The following GATAD2B variants were observed in gnomAD, a reference collection of about 807,000 sequenced individuals.
GATAD2B encodes the protein transcriptional repressor p66-beta.
Under a neutral mutation model 64.3 loss-of-function variants are expected in GATAD2B, and 8 were observed. The ratio of observed to expected loss-of-function variants is 0.12; its 90% CI spans 0.07 to 0.22. The LOEUF (loss-of-function observed/expected upper bound fraction) is 0.22, where lower values mean the gene tolerates loss of function less well. Among genes scored for constraint, GATAD2B ranks in the 10% least tolerant of loss-of-function variants. GATAD2B has a pLI of 1.00. For missense variants in GATAD2B, 453 were observed against 752.0 expected (o/e 0.60, Z 4.65); for synonymous variants, 281 against 271.3 (o/e 1.04, Z -0.35).
intron 1 of GATAD2B, among the ~76,000 whole-genome samples, chr1:153,909,757 G>GT (rs1258926707): frequency 6.7e-6 from 1 of 148,282 alleles, no homozygotes; most frequent in East Asian, 2.1e-4. Flanking sequence ...GGCCAACATG[G>GT]TGAAACCCCA....
chr1:153,903,705 C>T (rs1316659385), intron 1 of GATAD2B, among the ~76,000 whole-genome samples: 1 of 152,196 alleles, frequency 6.6e-6, no homozygotes, highest in Non-Finnish European at 1.5e-5. Context: ...CTAACATTGG[C>T]CAAGTGTGGG....
intron 4 of GATAD2B, 125 bp downstream of exon 4, chr1:153,818,666 A>T: frequency 1.2e-6 from 1 of 836,954 alleles, no homozygotes; most frequent in Non-Finnish European, 1.9e-6. Flanking sequence ...CACTACTACT[A>T]CAGACTAAAA....
In GATAD2B at chr1:153,813,430, C is replaced by T; in HGVS notation, c.1239G>A (p.Leu413=). ...DSQGKSCASL[L]RVEPFVCAQC... is the part of the protein sequence containing the mutation. ...GGGCACATACAAAGGGTTCAACCCG[C>T]AGAAGTGAGGCACAGCTTTTGCCTA... The change falls in exon 8 of 11, where the codon CTG becomes CTA. Residue 413 remains leucine (L), a synonymous_variant. Coordinates refer to ENST00000368655, the MANE Select transcript of GATAD2B (RefSeq NM_020699.4). The T allele has an allele frequency of 1.2e-6, 2 of 1,614,054 alleles. No individual in the cohort carries two copies. The highest frequency in any genetic ancestry group is 1.7e-6 in the Non-Finnish European group (2 of 1,179,932).
At chr1:153,895,291 G>A (rs969356823) in intron 1 of GATAD2B, among the ~76,000 whole-genome samples, 67 of 150,578 alleles carry the variant, frequency 4.4e-4, no homozygotes, top group African/African-American at 1.4e-3. Flanking sequence ...CCAAGATCGC[G>A]CCACTGCACT....
chr1:153,851,945 T>C (rs1361883327), intron 1 of GATAD2B, among the ~76,000 whole-genome samples: 1 of 152,218 alleles, frequency 6.6e-6, no homozygotes, highest in African/African-American at 2.4e-5. Context: ...GCCAGAAACT[T>C]TAAAGCTCTT....
intron 2 of GATAD2B, among the ~76,000 whole-genome samples, chr1:153,820,214 C>T (rs780207565): frequency 2.5e-4 from 38 of 152,044 alleles, no homozygotes; most frequent in Non-Finnish European, 1.6e-4. Context: ...TGTCTACAGC[C>T]TTACAGAAAA....
chr1:153,826,042 C>T (rs933306539), intron 2 of GATAD2B, among the ~76,000 whole-genome samples: 2 of 150,528 alleles, frequency 1.3e-5, no homozygotes, highest in South Asian at 2.1e-4. Flanking sequence ...CTCGCTCTGT[C>T]GCCCAGGCTG....
At chr1:153,831,314 C>T (rs1258434918) in intron 1 of GATAD2B, among the ~76,000 whole-genome samples, 4 of 152,096 alleles carry the variant, frequency 2.6e-5, no homozygotes, top group Non-Finnish European at 4.4e-5. Flanking sequence ...GAAGGGGGAA[C>T]ATCACACACC....
intron 1 of GATAD2B, among the ~76,000 whole-genome samples, chr1:153,901,213 CA>C (rs146258599): frequency 1.6e-3 from 228 of 138,656 alleles, no homozygotes; most frequent in Non-Finnish European, 1.5e-3. Context: ...AATTCTACCT[CA>C]AAAAAAAAAA....
chr1:153,834,356 A>G (rs1297153135), intron 1 of GATAD2B, among the ~76,000 whole-genome samples: 1 of 151,772 alleles, frequency 6.6e-6, no homozygotes, highest in Non-Finnish European at 1.5e-5. Context: ...GAAATTATTT[A>G]CCATTGCAGG....
chr1:153,898,114 T>C (rs781075282), intron 1 of GATAD2B, among the ~76,000 whole-genome samples: 1 of 150,428 alleles, frequency 6.6e-6, no homozygotes, highest in African/African-American at 2.4e-5. Flanking sequence ...GATCAGCCTA[T>C]GCAACACGGT....
intron 1 of GATAD2B, among the ~76,000 whole-genome samples, chr1:153,839,879 C>T (rs565297452): frequency 4.6e-5 from 7 of 151,536 alleles, no homozygotes; most frequent in African/African-American, 1.7e-4. Flanking sequence ...GAGGCTGAGG[C>T]AGGAGAATCA....
chr1:153,838,709 T>C (rs574203620), intron 1 of GATAD2B, among the ~76,000 whole-genome samples: 143 of 152,062 alleles, frequency 9.4e-4, no homozygotes, highest in Non-Finnish European at 1.6e-3. Flanking sequence ...TTGATAGGAG[T>C]TGGTGACTTA....
chr1:153,909,783 CA>C (rs35951173), intron 1 of GATAD2B, among the ~76,000 whole-genome samples: 180 of 133,454 alleles, frequency 1.3e-3, no homozygotes, highest in Admixed American at 1.5e-3. Context: ...ACTAAAAATA[CA>C]AAAAAAAAAA....
chr1:153,859,019 A>C (rs757176130), intron 1 of GATAD2B, among the ~76,000 whole-genome samples: 61 of 152,266 alleles, frequency 4.0e-4, no homozygotes, highest in Middle Eastern at 3.4e-3. Context: ...GATAGCATTT[A>C]GCCTGTGCAA....
intron 1 of GATAD2B, among the ~76,000 whole-genome samples, chr1:153,903,711 G>A (rs1677845934): frequency 1.3e-5 from 2 of 152,136 alleles, no homozygotes; most frequent in Admixed American, 1.3e-4. Flanking sequence ...TTGGCCAAGT[G>A]TGGGGCTCAC....
At chr1:153,904,241 C>T (rs139732435) in intron 1 of GATAD2B, among the ~76,000 whole-genome samples, 78 of 151,874 alleles carry the variant, frequency 5.1e-4, no homozygotes, top group Admixed American at 7.9e-4. Flanking sequence ...GATTACGCCA[C>T]TACACTCCAG....
At chr1:153,915,835 C>G (rs541005337) in intron 1 of GATAD2B, among the ~76,000 whole-genome samples, 2 of 151,196 alleles carry the variant, frequency 1.3e-5, no homozygotes, top group South Asian at 4.2e-4. Flanking sequence ...GGAAGGCAAA[C>G]ACCAACAACA....
chr1:153,816,331 G>A lies in GATAD2B; in HGVS notation c.1158C>T (p.Ser386=), dbSNP rs757674883. The A allele has an allele frequency of 9.3e-6, 15 of 1,613,542 alleles. No homozygotes were observed. Among genetic ancestry groups the A allele is most frequent in the East Asian group, 2.2e-5 (1 of 44,898 alleles). The stretch of plus-strand genomic sequence containing the variant: ...CCAAGCCTACCATGTAGATGAACTC[G>A]CTATTGGCTGCACTAGGCAAGAAAT... ...LLHFLPSAAN[S]EFIYMVGLEE... The change falls in exon 7 of 11, where the codon AGC becomes AGT. Residue 386 remains serine, a synonymous_variant. Transcript: ENST00000368655. This position sits in a 1 kb window ranked among gnomAD's most constrained non-coding sequence, Gnocchi z 4.9.
Sources: allele counts gnomAD v4.1 joint callset (sites outside exome capture counted in the v4.1 genomes callset), GRCh38; gene constraint gnomAD v4.1.1; non-coding constraint Gnocchi (gnomAD v3.1); transcripts MANE v1.5; gene names NCBI Gene and HGNC (gene_info 2026-07-23, HGNC 2026-07-21).